CREB5: variants seen among roughly 807,000 people sequenced by gnomAD.
CREB5 encodes cyclic AMP-responsive element-binding protein 5.
In CREB5, 19 loss-of-function variants were observed where a neutral mutation model predicts 57.1. The observed-to-expected ratio is 0.33, with a 90% CI of 0.23 to 0.49. The LOEUF is 0.49. CREB5 is among the 20% of genes least tolerant of loss of function. The probability of loss-of-function intolerance (pLI) is 0.99; values close to 1 mark genes in which losing one functional copy is unlikely to be tolerated. For synonymous variants in CREB5, 238 were observed against 238.3 expected (o/e 1.00, Z 0.01); for missense variants, 579 against 671.6 (o/e 0.86, Z 1.52).
intron 5 of CREB5, among the ~76,000 whole-genome samples, chr7:28,714,620 G>T (rs1203723996): frequency 2.0e-5 from 3 of 152,204 alleles, no homozygotes; most frequent in African/African-American, 7.2e-5. Flanking sequence ...GAAATCGCTT[G>T]CTGCGGTGCC....
chr7:28,596,426 A>G (rs1339638113), intron 5 of CREB5, among the ~76,000 whole-genome samples: 1 of 152,256 alleles, frequency 6.6e-6, no homozygotes, highest in African/African-American at 2.4e-5. Context: ...ACTTATTTCC[A>G]TAACAGCACT....
At chr7:28,468,375 T>C (rs753678342) in intron 1 of CREB5, among the ~76,000 whole-genome samples, 9 of 152,144 alleles carry the variant, frequency 5.9e-5, no homozygotes, top group Non-Finnish European at 1.0e-4. Flanking sequence ...AAGCATCAGA[T>C]GTGTGGTTGA....
intron 1 of CREB5, among the ~76,000 whole-genome samples, chr7:28,441,390 A>G (rs915933775): frequency 7.2e-5 from 11 of 152,224 alleles, no homozygotes; most frequent in African/African-American, 2.7e-4. Flanking sequence ...TCTAAAATAT[A>G]AAATGTCTGC....
intron 2 of CREB5, among the ~76,000 whole-genome samples, chr7:28,490,247 G>A (rs1791740593): frequency 6.6e-6 from 1 of 152,206 alleles, no homozygotes; most frequent in Non-Finnish European, 1.5e-5. Context: ...CACATGATCA[G>A]TAAATCAGTT....
chr7:28,560,873 C>CGTGTGCGCGTGGGTGTGTGT lies in CREB5; in HGVS notation c.292-9491_292-9490insTGTGCGCGTGGGTGTGTGTG, dbSNP rs1219079270. On this transcript the variant is annotated intron_variant, in intron 4 of 10. Coordinates refer to ENST00000357727, the MANE Select transcript of CREB5 (RefSeq NM_182898.4). ...GTGTGTGTGTGCGTGTGCCTGCGTGCGCGTGCGTGCGTGCGTGTGTGTGCG... is the reference window on the plus strand; with the variant it reads ...GTGTGTGTGTGCGTGTGCCTGCGTGCGTGTGCGCGTGGGTGTGTGTGCGTGCGTGCGTGCGTGTGTGTGCG... Among the ~76,000 whole-genome samples the CGTGTGCGCGTGGGTGTGTGT allele has an allele frequency of 5.0e-4, 11 of 22,110 alleles. 2 individuals are homozygous for CGTGTGCGCGTGGGTGTGTGT. The highest frequency in any genetic ancestry group is 2.3e-3 in the African/African-American group (10 of 4,286). The allele number at this position is 22,110 out of a possible 152,430, so 14.5% of individuals were successfully genotyped here.
chr7:28,457,844 G>A (rs1365134972), intron 1 of CREB5, among the ~76,000 whole-genome samples: 1 of 152,282 alleles, frequency 6.6e-6, no homozygotes, highest in East Asian at 1.9e-4. Context: ...GGAGCCTATG[G>A]CGGTAGCTGG....
intron 5 of CREB5, among the ~76,000 whole-genome samples, chr7:28,623,306 A>G (rs780548276): frequency 2.0e-5 from 3 of 152,256 alleles, no homozygotes; most frequent in Non-Finnish European, 2.9e-5. Context: ...ATGTACAGTC[A>G]AGCTAATCTT....
chr7:28,411,178 C>A (rs958171722), upstream of CREB5, among the ~76,000 whole-genome samples: 14 of 152,144 alleles, frequency 9.2e-5, no homozygotes, highest in Admixed American at 1.3e-4. Context: ...TGTTTGCAAG[C>A]GTTATGATAA....
intron 7 of CREB5, among the ~76,000 whole-genome samples, chr7:28,775,166 T>C (rs1052212700): frequency 6.6e-6 from 1 of 152,160 alleles, no homozygotes; most frequent in Non-Finnish European, 1.5e-5. Flanking sequence ...CTGTGGTCCC[T>C]AATGCTAAAA....
At chr7:28,662,240 A>AT (rs1799637172) in intron 5 of CREB5, among the ~76,000 whole-genome samples, 1 of 152,194 alleles carries the variant, frequency 6.6e-6, no homozygotes, top group Non-Finnish European at 1.5e-5. Flanking sequence ...ACCAGCCTTG[A>AT]TTTAAAAGGT....
chr7:28,512,510 A>C (rs1792752162), intron 4 of CREB5, among the ~76,000 whole-genome samples: 1 of 152,244 alleles, frequency 6.6e-6, no homozygotes, highest in African/African-American at 2.4e-5. Context: ...TGTTAGAGGA[A>C]AGAAAAACAA....
intron 1 of CREB5, among the ~76,000 whole-genome samples, chr7:28,323,729 G>C (rs114308111): frequency 6.6e-6 from 1 of 152,010 alleles, no homozygotes; most frequent in Non-Finnish European, 1.5e-5. Flanking sequence ...GGATGGTTTC[G>C]GGATTATTCA....
At position 28,760,878 on chromosome 7, in the gene CREB5, A is replaced by G. The variant is rs1054646877; in HGVS notation, c.702+36546A>G. On this transcript the variant is annotated intron_variant, in intron 7 of 10. Coordinates refer to ENST00000357727, the MANE Select transcript of CREB5 (RefSeq NM_182898.4). Reference sequence around the variant, plus strand: ...TAAGAGAGAAATTTCATTAGGTGTAATAATAGTGCTTTTCATTTTCAAAGC... The same window carrying G: ...TAAGAGAGAAATTTCATTAGGTGTAGTAATAGTGCTTTTCATTTTCAAAGC... Among the ~76,000 whole-genome samples the G allele has an allele frequency of 2.6e-5, 4 of 152,226 alleles. 1 individual carries two copies. Among genetic ancestry groups the G allele is most frequent in the Admixed American group, 2.6e-4 (4 of 15,284 alleles).
chr7:28,382,438 G>A (rs1243821902), intron 1 of CREB5, among the ~76,000 whole-genome samples: 1 of 152,142 alleles, frequency 6.6e-6, no homozygotes, highest in East Asian at 1.9e-4. Flanking sequence ...CAATGATTGA[G>A]AATAAATAAT....
chr7:28,750,066 C>A (rs574453012), intron 7 of CREB5, among the ~76,000 whole-genome samples: 1 of 152,172 alleles, frequency 6.6e-6, no homozygotes, highest in East Asian at 1.9e-4. Flanking sequence ...TTGGTCACAG[C>A]AATAGACAAC....
At chr7:28,340,227 A>G (rs1785909037) in intron 1 of CREB5, among the ~76,000 whole-genome samples, 1 of 152,174 alleles carries the variant, frequency 6.6e-6, no homozygotes, top group East Asian at 1.9e-4. Context: ...CATAGCCACC[A>G]CAGTTAGGAA....
At chr7:28,509,259 C>G (rs115397753) in intron 4 of CREB5, among the ~76,000 whole-genome samples, 2,675 of 152,244 alleles carry the variant, frequency 0.018, 50 homozygotes, top group African/African-American at 0.057. Context: ...AGACATTTTT[C>G]CAAGAACAGT....
At chr7:28,411,954 GA>G (rs74631431), upstream of CREB5, among the ~76,000 whole-genome samples, 1 of 151,700 alleles carries the variant, frequency 6.6e-6, no homozygotes, top group Non-Finnish European at 1.5e-5. Flanking sequence ...AGACTTAAAG[GA>G]AAAAAAATGG....
intron 5 of CREB5, among the ~76,000 whole-genome samples, chr7:28,705,514 A>G (rs910371554): frequency 6.6e-6 from 1 of 152,146 alleles, no homozygotes; most frequent in Admixed American, 6.5e-5. Context: ...TTCCGTTTCT[A>G]TTTATACTAG....
Sources: allele counts gnomAD v4.1 joint callset (sites outside exome capture counted in the v4.1 genomes callset), GRCh38; gene constraint gnomAD v4.1.1; transcripts MANE v1.5; gene names NCBI Gene and HGNC (gene_info 2026-07-23, HGNC 2026-07-21).